Variants in SHPRH observed in about 807,000 individuals in gnomAD.
SHPRH encodes E3 ubiquitin-protein ligase SHPRH.
In SHPRH, 106 loss-of-function variants were observed where a neutral mutation model predicts 202.5. That is an observed-to-expected ratio of 0.52 (90% CI 0.45 to 0.62). SHPRH has a LOEUF of 0.62. Ranked by LOEUF, SHPRH falls within the 20% of genes least tolerant of loss-of-function variation. The pLI, the probability that SHPRH is intolerant of heterozygous loss-of-function variation, is 0.00. For synonymous variants in SHPRH, 729 were observed against 686.0 expected (o/e 1.06, Z -0.98); for missense variants, 1,710 against 2,020.0 (o/e 0.85, Z 2.94).
chr6:145,867,673 G>GAGAGAGAGAGAGAGA (rs1583250344), intron 2 of SHPRH, among the ~76,000 whole-genome samples: 6 of 132,448 alleles, frequency 4.5e-5, no homozygotes, highest in Non-Finnish European at 8.0e-5. Flanking sequence ...GAGAGAGAGA[G>GAGAGAGAGAGAGAGA]GTGAAGGAAG....
chr6:145,931,982 T>C (rs1256801103), intron 14 of SHPRH, among the ~76,000 whole-genome samples: 1 of 152,112 alleles, frequency 6.6e-6, no homozygotes, highest in Non-Finnish European at 1.5e-5. Flanking sequence ...TTCAAAATTT[T>C]CAGTCTTCTT....
the SHPRH span, among the ~76,000 whole-genome samples, chr6:145,858,191 A>C: frequency 2.6e-5 from 4 of 152,118 alleles, no homozygotes; most frequent in Non-Finnish European, 5.9e-5. Flanking sequence ...CTACCATATA[A>C]TCCAGTCATT....
Position 145,955,307 on chromosome 6 carries a change from T to G in SHPRH, c.16A>C (p.Lys6Gln), listed in dbSNP as rs1562376098. MSSRR[K>Q]RAPPVRVDEE... is the part of the protein sequence containing the mutation. ...TCTACCCTCACTGGAGGAGCACGTT[T>G]CCGTCGGCTGCTCATTTTCAAGTTT... The change falls in exon 2 of 30, where the codon AAA (lysine) becomes CAA (glutamine). Residue 6 changes from lysine (K) to glutamine (Q), a missense_variant. Lys to Gln is a moderately conservative substitution (Grantham distance 53, BLOSUM62 1). This residue lies in a region of SHPRH where 459 missense variants were observed against 426.5 expected (regional missense o/e 1.08). Coordinates refer to ENST00000275233, the MANE Select transcript of SHPRH (RefSeq NM_001042683.3). The G allele has an allele frequency of 6.3e-7, 1 of 1,595,438 alleles. No individual in the cohort carries two copies. Among genetic ancestry groups the G allele is most frequent in the African/African-American group, 1.3e-5 (1 of 74,592 alleles).
rs187426741 is a variant in SHPRH at position 145,936,696 on chromosome 6, C to A, written c.2570-1255G>T. Among the ~76,000 whole-genome samples, 58 of 152,122 alleles carry A rather than the reference C, an allele frequency of 3.8e-4. 1 individual carries two copies. The East Asian group carries it at 9.1e-3, about 24-fold the overall frequency. ...AATGGGCATATATTCTCTTCAGAAGCCATAAAATAATAATAAAAATATCCT... is the reference window on the plus strand; with the variant it reads ...AATGGGCATATATTCTCTTCAGAAGACATAAAATAATAATAAAAATATCCT... On this transcript the variant is annotated intron_variant, in intron 11 of 29. Transcript: ENST00000275233.
In SHPRH at chr6:145,964,356, C is replaced by T. The variant is rs559913632; in HGVS notation, c.-658G>A. 1 of 152,300 alleles carries T rather than the reference C, an allele frequency of 6.6e-6. No homozygotes were observed. The highest frequency in any genetic ancestry group is 1.5e-5 in the Non-Finnish European group (1 of 68,126). 9.4% of individuals were successfully genotyped at this position (152,300 alleles called of 1,614,324 possible). On this transcript the variant is annotated 5_prime_UTR_variant, in exon 1 of 30. Transcript: ENST00000275233. Reference sequence around the variant, plus strand: ...CCTAGCTGCCGGGCGCGCGCTGTAGCGTGGGGTCAAGGCGAACGCGCTCGT... The same window carrying T: ...CCTAGCTGCCGGGCGCGCGCTGTAGTGTGGGGTCAAGGCGAACGCGCTCGT...
At position 145,913,567 on chromosome 6, in the gene SHPRH, A is replaced by T. The variant is rs571729164; in HGVS notation, c.4255-18T>A. 16 of 1,592,470 alleles carry T rather than the reference A, an allele frequency of 1.0e-5. No homozygotes were observed. The highest frequency in any genetic ancestry group is 6.8e-5 in the African/African-American group (5 of 73,870). Reference sequence around the variant, plus strand: ...TCTTGAGACTATCCAAAAAAGAATTAAAAAATATATTAGTTACGTTTTTAC... The same window carrying T: ...TCTTGAGACTATCCAAAAAAGAATTTAAAAATATATTAGTTACGTTTTTAC... On this transcript the variant is annotated intron_variant, in intron 23 of 29. Transcript: ENST00000275233.
At chr6:145,922,063 A>AT (rs1784473565) in intron 20 of SHPRH, among the ~76,000 whole-genome samples, 1 of 152,018 alleles carries the variant, frequency 6.6e-6, no homozygotes, top group African/African-American at 2.4e-5. Flanking sequence ...CTGCATCTCA[A>AT]TTAATTATAT....
rs1006709100 is a variant in SHPRH at position 145,955,073 on chromosome 6, C to T, written c.250G>A (p.Glu84Lys). 6.2e-7 allele frequency: 1 copy of T among 1,613,208 alleles called. No individual in the cohort carries two copies. ...SKVVSFSKPI[E>K]KEETVGIFSP... ...AAAATACCAACAGTCTCTTCTTTTT[C>T]AATTGGTTTTGAGAAGCTCACCACT... The change falls in exon 2 of 30, where the codon GAA becomes AAA. Residue 84 changes from glutamate (E) to lysine (K), a missense_variant. By Grantham distance (56) the Glu-to-Lys change is moderately conservative (BLOSUM62 1). Around this residue, in one of 8 missense-constraint regions of SHPRH, gnomAD observed 459 missense variants for 426.5 expected, o/e 1.08. Coordinates refer to ENST00000275233, the MANE Select transcript of SHPRH (RefSeq NM_001042683.3).
chr6:145,909,816 T>C (rs534676679), intron 25 of SHPRH: 33 of 152,196 alleles, frequency 2.2e-4, no homozygotes, highest in African/African-American at 7.7e-4. Flanking sequence ...AAGAGCAAAA[T>C]AGTCTTGGCT....
chr6:145,865,119 T>C (rs1396408799), intron 2 of SHPRH, among the ~76,000 whole-genome samples: 3 of 152,226 alleles, frequency 2.0e-5, no homozygotes, highest in African/African-American at 2.4e-5. Flanking sequence ...CTCAGGTACC[T>C]GGCTTAAGCC....
intron 13 of SHPRH, among the ~76,000 whole-genome samples, chr6:145,934,511 A>AT (rs1785848981): frequency 4.6e-5 from 7 of 151,556 alleles, no homozygotes; most frequent in Admixed American, 2.6e-4. Context: ...ATAAAATAAA[A>AT]AGTAGCTGGC....
chr6:145,938,291 CCCTTCCA>C (rs1433348637), intron 11 of SHPRH, among the ~76,000 whole-genome samples: 3 of 152,240 alleles, frequency 2.0e-5, no homozygotes, highest in African/African-American at 7.2e-5. Flanking sequence ...CTCATGTACT[CCCTTCCA>C]CCTTCCACCA....
At chr6:145,937,185 T>C (rs1051586552) in intron 11 of SHPRH, among the ~76,000 whole-genome samples, 3 of 151,928 alleles carry the variant, frequency 2.0e-5, no homozygotes, top group African/African-American at 7.2e-5. Context: ...GGCTTCATCA[T>C]GTTGGCCAGG....
intron 1 of SHPRH, among the ~76,000 whole-genome samples, chr6:145,955,724 G>A (rs544330854): frequency 2.0e-5 from 3 of 151,754 alleles, no homozygotes; most frequent in East Asian, 1.9e-4. Flanking sequence ...TTAAAAGAGC[G>A]AAACAAAATC....
chr6:145,863,429 C>T (rs940669908), downstream of SHPRH, among the ~76,000 whole-genome samples: 2 of 152,172 alleles, frequency 1.3e-5, no homozygotes, highest in Non-Finnish European at 2.9e-5. Context: ...CAATGTATTT[C>T]CTGAGTTTAA....
At chr6:145,893,772 C>A (rs138834266) in intron 27 of SHPRH, among the ~76,000 whole-genome samples, 115 of 152,160 alleles carry the variant, frequency 7.6e-4, no homozygotes, top group African/African-American at 2.6e-3. Context: ...TGAGGTCATA[C>A]GCCTGTCACT....
At chr6:145,869,238 G>T (rs1032189880) in intron 2 of SHPRH, among the ~76,000 whole-genome samples, 2 of 152,080 alleles carry the variant, frequency 1.3e-5, no homozygotes, top group Admixed American at 1.3e-4. Flanking sequence ...TATGTATTTG[G>T]ATAACAGTTC....
chr6:145,900,051 G>A (rs1782359934), intron 25 of SHPRH, among the ~76,000 whole-genome samples: 1 of 152,096 alleles, frequency 6.6e-6, no homozygotes, highest in South Asian at 2.1e-4. Context: ...TACACCATTG[G>A]TGGCAATACA....
intron 6 of SHPRH, 98 bp from the exon 7 acceptor site, chr6:145,946,439 C>A: frequency 1.0e-6 from 1 of 979,918 alleles, no homozygotes; most frequent in Non-Finnish European, 1.4e-6. Context: ...AAATGCAAAA[C>A]AGTTCTAAAA....
Sources: allele counts gnomAD v4.1 joint callset (sites outside exome capture counted in the v4.1 genomes callset), GRCh38; gene constraint gnomAD v4.1.1; regional missense constraint gnomAD v4.1.1; transcripts MANE v1.5; gene names NCBI Gene and HGNC (gene_info 2026-07-23, HGNC 2026-07-21).